Variants in EFHC1 observed in about 807,000 individuals in gnomAD.
EFHC1 encodes the protein EF-hand domain-containing protein 1.
In EFHC1, 53 loss-of-function variants were observed where a neutral mutation model predicts 69.9. The observed-to-expected ratio is 0.76, with a 90% CI of 0.61 to 0.95. The LOEUF (loss-of-function observed/expected upper bound fraction) is 0.95, where lower values mean the gene tolerates loss of function less well. Ranked by LOEUF, EFHC1 falls within the 40% of genes least tolerant of loss-of-function variation. The probability of loss-of-function intolerance (pLI) is 0.00; values close to 1 mark genes in which losing one functional copy is unlikely to be tolerated. For synonymous variants in EFHC1, 256 were observed against 278.4 expected (o/e 0.92, Z 0.80); for missense variants, 739 against 798.7 (o/e 0.93, Z 0.90).
intron 6 of EFHC1, among the ~76,000 whole-genome samples, chr6:52,465,335 G>T (rs1765278623): frequency 6.6e-6 from 1 of 151,960 alleles, no homozygotes; most frequent in African/African-American, 2.4e-5. Context: ...GATGTTTTTG[G>T]ATCTGTTCAA....
chr6:52,465,083 G>A lies in EFHC1; in HGVS notation c.1105G>A (p.Val369Met). 6.2e-7 allele frequency: 1 copy of A among 1,613,972 alleles called. No individual in the cohort carries two copies. The highest frequency in any genetic ancestry group is 8.5e-7 in the Non-Finnish European group (1 of 1,180,014). ...FGITDLPRID[V>M]SKREPPPVKQ... ...AATCACTGATTTACCACGTATTGAT[G>A]TGAGCAAGCGGGAACCACCTCCAGT... Residue 369 changes from valine to methionine, a missense_variant, in exon 6 of 11, where the codon GTG becomes ATG. Val to Met is a conservative substitution (Grantham distance 21). Transcript: ENST00000371068.
rs1396388022 is a variant in EFHC1, at chr6:52,454,245, A to G, written c.874A>G (p.Met292Val). Residue 292 changes from methionine (M) to valine (V), a missense_variant, in exon 5 of 11, where the codon ATG becomes GTG. Met to Val is a conservative substitution (Grantham distance 21). Transcript: ENST00000371068. ...TGGGAGAGATCCTTTCCCACTCCTA[A>G]TGAACCGCCAGCGTGTGCCCAAAGT... ...NDGRDPFPLL[M>V]NRQRVPKVLV... is the part of the protein sequence containing the mutation. The G allele has an allele frequency of 6.2e-7, 1 of 1,614,200 alleles. No homozygotes were observed. Among genetic ancestry groups the G allele is most frequent in the East Asian group, 2.2e-5 (1 of 44,888 alleles).
At chr6:52,458,077 G>T (rs978192992) in intron 5 of EFHC1, among the ~76,000 whole-genome samples, 1 of 152,128 alleles carries the variant, frequency 6.6e-6, no homozygotes, top group Non-Finnish European at 1.5e-5. Context: ...TTTGATTTTT[G>T]ACAAAGGTAA....
intron 8 of EFHC1, 128 bp downstream of exon 8, chr6:52,479,378 G>T: frequency 2.8e-6 from 3 of 1,082,776 alleles, no homozygotes; most frequent in Non-Finnish European, 4.1e-6. Context: ...TACTATCCTT[G>T]TATATATGGT....
chr6:52,438,957 A>G (rs923318531), intron 3 of EFHC1, among the ~76,000 whole-genome samples: 5 of 152,192 alleles, frequency 3.3e-5, no homozygotes, highest in African/African-American at 1.2e-4. Flanking sequence ...GTTTACAAAA[A>G]TAGCACTACT....
Position 52,494,778 on chromosome 6 carries a change from GAAGT to G in EFHC1, c.*2441_*2444del, listed in dbSNP as rs756323396. On this transcript the variant is annotated 3_prime_UTR_variant, in exon 11 of 11. Coordinates refer to ENST00000371068, the MANE Select transcript of EFHC1 (RefSeq NM_018100.4). ...GTATTCAATGTTTAGCTCCCACTTA[GAAGT>G]AAGAACATGCAATATTTGGTTTCCT... is the stretch of plus-strand genomic sequence containing the variant. 16 of 451,774 alleles carry G rather than the reference GAAGT, an allele frequency of 3.5e-5. 1 individual carries two copies. Among genetic ancestry groups the G allele is most frequent in the South Asian group, 2.3e-4 (15 of 64,236 alleles). 28.0% of individuals were successfully genotyped at this position (451,774 alleles called of 1,614,324 possible).
At chr6:52,434,585 T>G (rs1443093031) in intron 2 of EFHC1, among the ~76,000 whole-genome samples, 2 of 152,112 alleles carry the variant, frequency 1.3e-5, no homozygotes, top group Non-Finnish European at 2.9e-5. Flanking sequence ...GGTCTGTGGA[T>G]TCTCTCTGCT....
At chr6:52,447,602 C>A (rs935042440) in intron 3 of EFHC1, among the ~76,000 whole-genome samples, 2 of 152,206 alleles carry the variant, frequency 1.3e-5, no homozygotes, top group Non-Finnish European at 2.9e-5. Flanking sequence ...CAGCTTTGTT[C>A]CATTGCTGGC....
intron 3 of EFHC1, among the ~76,000 whole-genome samples, chr6:52,442,265 G>T (rs1229567447): frequency 2.6e-5 from 4 of 151,800 alleles, no homozygotes; most frequent in Non-Finnish European, 4.4e-5. Flanking sequence ...ATTATTTTGA[G>T]GTGTGTTCCT....
At chr6:52,441,673 C>T (rs1764668265) in intron 3 of EFHC1, among the ~76,000 whole-genome samples, 1 of 152,104 alleles carries the variant, frequency 6.6e-6, no homozygotes, top group African/African-American at 2.4e-5. Context: ...AGCATTGAAT[C>T]TGTACATTGC....
rs1000499112 is a variant in EFHC1 at position 52,480,709 on chromosome 6, G to T, written c.1640+922G>T. The stretch of plus-strand genomic sequence containing the variant: ...GGGGAGTTAGCTGGGTGGATTTCTG[G>T]AGGAAGTGCTTTTCAGGAAGAGGAA... On this transcript the variant is annotated intron_variant, in intron 9 of 10. Transcript: ENST00000371068. Among the ~76,000 whole-genome samples the T allele has an allele frequency of 2.0e-5, 3 of 152,258 alleles. No individual in the cohort carries two copies. The East Asian group carries it at 5.8e-4, about 29-fold the overall frequency.
chr6:52,436,543 C>G (rs998567915), intron 2 of EFHC1, among the ~76,000 whole-genome samples: 4 of 152,178 alleles, frequency 2.6e-5, no homozygotes, highest in Admixed American at 2.0e-4. Flanking sequence ...AATACTTTCT[C>G]TCCTTGAAAA....
chr6:52,463,297 T>C (rs1442985527), intron 5 of EFHC1, among the ~76,000 whole-genome samples: 2 of 151,674 alleles, frequency 1.3e-5, no homozygotes, highest in Admixed American at 6.6e-5. Flanking sequence ...GCTGAGATTA[T>C]AGGCATGAGC....
At chr6:52,474,165 A>G (rs922117465) in intron 7 of EFHC1, among the ~76,000 whole-genome samples, 1 of 152,192 alleles carries the variant, frequency 6.6e-6, no homozygotes, top group Non-Finnish European at 1.5e-5. Context: ...TAAAAAAATA[A>G]GTTAATTGGG....
chr6:52,441,997 T>G (rs191923956), intron 3 of EFHC1, among the ~76,000 whole-genome samples: 1 of 152,156 alleles, frequency 6.6e-6, no homozygotes, highest in African/African-American at 2.4e-5. Context: ...AAGGAGTTTT[T>G]GGGATGAGGC....
rs901301996 is a variant in EFHC1 at position 52,420,547 on chromosome 6, C to T, written c.63+74C>T. On this transcript the variant is annotated intron_variant, in intron 1 of 10. Transcript: ENST00000371068. ...CCAGGAGGTTTCCCCGCTCAGTGCACCTCCATTCCCCTCCACTCAAGTCTG... is the reference window on the plus strand; with the variant it reads ...CCAGGAGGTTTCCCCGCTCAGTGCATCTCCATTCCCCTCCACTCAAGTCTG... The T allele has an allele frequency of 7.9e-6, 12 of 1,510,624 alleles. No individual in the cohort carries two copies. The South Asian group carries it at 9.0e-5, about 11-fold the overall frequency. 93.6% of individuals were successfully genotyped at this position (1,510,624 alleles called of 1,614,324 possible).
rs1211611071 is a variant in EFHC1, at chr6:52,493,116, G to A, written c.*775G>A. 1 of 453,776 alleles carries A rather than the reference G, an allele frequency of 2.2e-6. No individual in the cohort carries two copies. 28.1% of individuals were successfully genotyped at this position (453,776 alleles called of 1,614,324 possible). ...CCTCCTGCCTGACTGGCTTCAAATTGGAACATCAGCCTTTTCTTGCCTTCA... is the reference window on the plus strand; with the variant it reads ...CCTCCTGCCTGACTGGCTTCAAATTAGAACATCAGCCTTTTCTTGCCTTCA... On this transcript the variant is annotated 3_prime_UTR_variant, in exon 11 of 11. Coordinates refer to ENST00000371068, the MANE Select transcript of EFHC1 (RefSeq NM_018100.4).
chr6:52,439,898 G>C (rs1764622477), intron 3 of EFHC1, among the ~76,000 whole-genome samples: 1 of 152,060 alleles, frequency 6.6e-6, no homozygotes, highest in Non-Finnish European at 1.5e-5. Flanking sequence ...ATCATAGGCA[G>C]TTTCACAATT....
intron 1 of EFHC1, among the ~76,000 whole-genome samples, chr6:52,421,348 T>C (rs1350858411): frequency 6.6e-6 from 1 of 152,244 alleles, no homozygotes; most frequent in East Asian, 1.9e-4. Flanking sequence ...GTTTAGATTT[T>C]GTTTTGCTCC....
Sources: gnomAD v4.1 joint callset for allele counts (sites outside exome capture counted in the v4.1 genomes callset) on GRCh38, gnomAD v4.1.1 for gene constraint, MANE v1.5 for transcripts, NCBI Gene and HGNC (gene_info 2026-07-23, HGNC 2026-07-21) for gene names.